TMBIM6: variants seen among roughly 807,000 people sequenced by gnomAD.
TMBIM6 encodes transmembrane BAX inhibitor motif containing 6, also known as bax inhibitor 1.
TMBIM6 carries 13 observed loss-of-function variants against 31.4 expected under a neutral mutation model. The ratio of observed to expected loss-of-function variants is 0.41; its 90% CI spans 0.27 to 0.66. The LOEUF is 0.66. TMBIM6 is among the 30% of genes least tolerant of loss of function. TMBIM6 has a pLI of 0.28. For missense variants in TMBIM6, 275 were observed against 289.5 expected, an observed-to-expected ratio of 0.95 and a Z score of 0.36; for synonymous variants, 85 against 101.7, an observed-to-expected ratio of 0.84 and a Z score of 0.99.
At position 49,763,167 on chromosome 12, in the gene TMBIM6, C is replaced by T. The variant is rs891323225; in HGVS notation, c.*271C>T. 1 of 345,226 alleles carries T rather than the reference C, an allele frequency of 2.9e-6. No homozygotes were observed. The highest frequency in any genetic ancestry group is 2.0e-5 in the African/African-American group (1 of 48,796). 21.4% of individuals were successfully genotyped at this position (345,226 alleles called of 1,614,324 possible). On this transcript the variant is annotated 3_prime_UTR_variant, in exon 10 of 10. Transcript: ENST00000267115. ...TTCCTCTACTCAGGCAGTCGACCCGCCACGATGAGAAGTGGGACCAGCAGA... is the reference window on the plus strand; with the variant it reads ...TTCCTCTACTCAGGCAGTCGACCCGTCACGATGAGAAGTGGGACCAGCAGA...
intron 2 of TMBIM6, 48 bp from the exon 3 acceptor site, chr12:49,752,925 A>C: frequency 1.3e-6 from 2 of 1,515,032 alleles, no homozygotes; most frequent in Non-Finnish European, 1.8e-6. Flanking sequence ...TAGCTTAAAT[A>C]TGAGATTGAT....
At chr12:49,758,003 G>C (rs12322413) in intron 4 of TMBIM6, among the ~76,000 whole-genome samples, 163 of 151,064 alleles carry the variant, frequency 1.1e-3, no homozygotes, top group African/African-American at 3.6e-3. Context: ...ATGATTTTCA[G>C]CTAAGAGGAC....
At chr12:49,744,080 C>T (rs533373421) in intron 1 of TMBIM6, among the ~76,000 whole-genome samples, 22 of 152,232 alleles carry the variant, frequency 1.4e-4, no homozygotes, top group African/African-American at 5.3e-4. Context: ...ATTACATTGC[C>T]TTTTTGAACT....
intron 8 of TMBIM6, among the ~76,000 whole-genome samples, chr12:49,761,336 C>T (rs1300758915): frequency 6.6e-6 from 1 of 152,108 alleles, no homozygotes; most frequent in African/African-American, 2.4e-5. Flanking sequence ...ATCTCAGCCT[C>T]CTCAGTAGCT....
intron 1 of TMBIM6, among the ~76,000 whole-genome samples, chr12:49,751,151 C>T (rs1945486417): frequency 6.6e-6 from 1 of 152,120 alleles, no homozygotes; most frequent in Admixed American, 6.6e-5. Context: ...AACTTAAGAA[C>T]TTGACTTTAT....
chr12:49,752,795 G>C (rs1049039516), intron 2 of TMBIM6, among the ~76,000 whole-genome samples, 178 bp from the exon 3 acceptor site: 1 of 152,134 alleles, frequency 6.6e-6, no homozygotes, highest in African/African-American at 2.4e-5. Flanking sequence ...TTAAGGTTCT[G>C]TTAACCTATT....
chr12:49,762,677 G>T (rs1451197241), intron 9 of TMBIM6, among the ~76,000 whole-genome samples, 196 bp from the exon 10 acceptor site: 1 of 152,162 alleles, frequency 6.6e-6, no homozygotes, highest in East Asian at 1.9e-4. Context: ...TTTATTCTTG[G>T]TCGGTCTGTC....
At chr12:49,741,827 T>TG in intron 1 of TMBIM6, 1 of 365,360 alleles carries the variant, frequency 2.7e-6, no homozygotes, top group Non-Finnish European at 4.9e-6. Context: ...GAAGCGGGGG[T>TG]GGGGCGGAGG....
intron 7 of TMBIM6, 51 bp downstream of exon 7, chr12:49,758,813 C>A: frequency 7.9e-5 from 101 of 1,284,952 alleles, no homozygotes; most frequent in Non-Finnish European, 9.5e-5. Flanking sequence ...ACACTTCTTT[C>A]TTTCCTTTTT....
rs1945764855 is a variant in TMBIM6, at chr12:49,763,770, A to C, written c.*874A>C. 1 of 152,166 alleles carries C rather than the reference A, an allele frequency of 6.6e-6. No homozygotes were observed. The allele number at this position is 152,166 out of a possible 1,614,324, so 9.4% of individuals were successfully genotyped here. A position where few individuals can be genotyped will look rare whatever the true frequency, so the allele number is the denominator to read the frequency against. On this transcript the variant is annotated 3_prime_UTR_variant, in exon 10 of 10. Transcript: ENST00000267115. ...CAAGGATAGGGAAGGGGAATGGTTG[A>C]GCCTCTGGAGATCATTGTAACCAAT...
At chr12:49,749,441 G>GTTTGTTTTTTT (rs1555228473) in intron 1 of TMBIM6, among the ~76,000 whole-genome samples, 4 of 146,048 alleles carry the variant, frequency 2.7e-5, no homozygotes, top group African/African-American at 1.1e-4. Flanking sequence ...AGTCATTTTT[G>GTTTGTTTTTTT]TTTTTTTTTG....
intron 1 of TMBIM6, among the ~76,000 whole-genome samples, chr12:49,745,202 C>G (rs1199678436): frequency 6.6e-6 from 1 of 151,654 alleles, no homozygotes; most frequent in Non-Finnish European, 1.5e-5. Flanking sequence ...AAGCATCAAG[C>G]TTTTGCGCAT....
chr12:49,742,442 AC>A, intron 1 of TMBIM6: 1 of 1,015,632 alleles, frequency 9.8e-7, no homozygotes, highest in Non-Finnish European at 1.3e-6. Flanking sequence ...GTGTAGAATT[AC>A]TACCCGGTGC....
chr12:49,759,355 A>C, intron 8 of TMBIM6, 34 bp downstream of exon 8: 2 of 1,560,696 alleles, frequency 1.3e-6, no homozygotes, highest in South Asian at 1.1e-5. Context: ...ACAAGCATGA[A>C]GGTTGAGGCA....
At chr12:49,756,318 T>C (rs1945593586) in intron 4 of TMBIM6, among the ~76,000 whole-genome samples, 1 of 151,464 alleles carries the variant, frequency 6.6e-6, no homozygotes, top group African/African-American at 2.4e-5. Flanking sequence ...GTATTTTTAG[T>C]AGAGATGGGG....
intron 1 of TMBIM6, chr12:49,743,514 T>G (rs1230694412): frequency 6.6e-6 from 1 of 152,022 alleles, no homozygotes; most frequent in Non-Finnish European, 1.5e-5. Context: ...GGATTACAGG[T>G]GTAATCCTTT....
At chr12:49,757,378 G>A (rs1004383467) in intron 4 of TMBIM6, among the ~76,000 whole-genome samples, 18 of 152,268 alleles carry the variant, frequency 1.2e-4, no homozygotes, top group Non-Finnish European at 2.4e-4. Context: ...CGACATAGTT[G>A]CACCCATACT....
intron 1 of TMBIM6, among the ~76,000 whole-genome samples, chr12:49,746,772 G>C (rs1010550419): frequency 2.6e-5 from 4 of 151,682 alleles, no homozygotes; most frequent in African/African-American, 9.7e-5. Flanking sequence ...CAAAAACACA[G>C]AAGAAGAAGA....
intron 1 of TMBIM6, among the ~76,000 whole-genome samples, chr12:49,750,874 A>G (rs1207222325): frequency 6.6e-6 from 1 of 152,182 alleles, no homozygotes; most frequent in African/African-American, 2.4e-5. Context: ...AACTTTTATT[A>G]TTACCTAGAT....
Sources: gnomAD v4.1 joint callset for allele counts (sites outside exome capture counted in the v4.1 genomes callset) on GRCh38, gnomAD v4.1.1 for gene constraint, MANE v1.5 for transcripts, NCBI Gene and HGNC (gene_info 2026-07-23, HGNC 2026-07-21) for gene names.